LRRC51: variants seen among roughly 807,000 people sequenced by gnomAD.
LRRC51 encodes the protein leucine rich repeat containing 51.
A neutral mutation model predicts 17.8 loss-of-function variants in LRRC51; 8 were observed. That is an observed-to-expected ratio of 0.45 (90% CI 0.26 to 0.81). The LOEUF is 0.81. Ranked by LOEUF, LRRC51 falls within the 30% of genes least tolerant of loss-of-function variation. The probability of loss-of-function intolerance (pLI) is 0.17; values close to 1 mark genes in which losing one functional copy is unlikely to be tolerated. For missense variants in LRRC51, 233 were observed against 239.3 expected (o/e 0.97, Z 0.17); for synonymous variants, 92 against 96.0 (o/e 0.96, Z 0.24).
intron 1 of LRRC51, among the ~76,000 whole-genome samples, chr11:72,082,133 C>T (rs1479830357): frequency 6.6e-6 from 1 of 152,184 alleles, no homozygotes; most frequent in African/African-American, 2.4e-5. Context: ...ATTTACACTT[C>T]AGCTGGAATG....
chr11:72,090,923 A>G (rs1185745602), intron 3 of LRRC51, among the ~76,000 whole-genome samples: 8 of 152,232 alleles, frequency 5.3e-5, no homozygotes, highest in Non-Finnish European at 5.9e-5. Flanking sequence ...ACAGGAACAT[A>G]GTTTCCCAGA....
In LRRC51 at chr11:72,089,047, G is replaced by A; in HGVS notation, c.-37G>A. ...CTCCCAGGCTGAACCCAGACTCCCA[G>A]GGCACCTGCTTGCACCTTTGAATGA... is the stretch of plus-strand genomic sequence containing the variant. On this transcript the variant is annotated 5_prime_UTR_variant, in exon 3 of 6. Coordinates refer to ENST00000289488, the MANE Select transcript of LRRC51 (RefSeq NM_145309.6). The A allele has an allele frequency of 1.2e-6, 2 of 1,612,526 alleles. No homozygotes were observed. Among genetic ancestry groups the A allele is most frequent in the Non-Finnish European group, 8.5e-7 (1 of 1,179,824 alleles).
At chr11:72,087,287 C>CTTTTTTTTT (rs58257513) in intron 1 of LRRC51, among the ~76,000 whole-genome samples, 2 of 107,326 alleles carry the variant, frequency 1.9e-5, no homozygotes, top group African/African-American at 7.0e-5. Flanking sequence ...AACAGAAATT[C>CTTTTTTTTT]TTTTTTTTTT....
intron 1 of LRRC51, among the ~76,000 whole-genome samples, chr11:72,085,048 G>A (rs1018827849): frequency 1.4e-4 from 22 of 152,120 alleles, no homozygotes; most frequent in African/African-American, 5.1e-4. Flanking sequence ...AAACAAAACA[G>A]TTAAAGATAC....
At chr11:72,089,196 C>G (rs1239794004) in intron 3 of LRRC51, 31 bp downstream of exon 3, 2 of 1,614,102 alleles carry the variant, frequency 1.2e-6, no homozygotes, top group African/African-American at 2.7e-5. Flanking sequence ...ACTCCACTCA[C>G]TAAGGCAGCA....
rs1945172518 is a variant in LRRC51 at position 72,095,809 on chromosome 11, A to G, written c.*289A>G. On this transcript the variant is annotated 3_prime_UTR_variant, in exon 6 of 6. Transcript: ENST00000289488. ...TGCCTCAGCCTCCCCAGTAGCTGTG[A>G]TTAAAGGCGCCTGCCACCATGACTG... is the stretch of plus-strand genomic sequence containing the variant. 1.9e-6 allele frequency: 1 copy of G among 537,992 alleles called. No homozygotes were observed. Among genetic ancestry groups the G allele is most frequent in the Admixed American group, 3.6e-5 (1 of 27,890 alleles). 33.3% of individuals were successfully genotyped at this position (537,992 alleles called of 1,614,324 possible).
chr11:72,089,825 G>A (rs1042740228), intron 3 of LRRC51, among the ~76,000 whole-genome samples: 12 of 152,172 alleles, frequency 7.9e-5, no homozygotes, highest in Admixed American at 2.6e-4. Flanking sequence ...CTTTGTAAAT[G>A]GGTAGCTAGT....
At chr11:72,090,954 C>T (rs1468715080) in intron 3 of LRRC51, among the ~76,000 whole-genome samples, 1 of 152,188 alleles carries the variant, frequency 6.6e-6, no homozygotes, top group Non-Finnish European at 1.5e-5. Flanking sequence ...GCTAAATGCT[C>T]CCCAGTTCCC....
At chr11:72,081,144 C>A (rs1206913521) in intron 1 of LRRC51, among the ~76,000 whole-genome samples, 1 of 152,194 alleles carries the variant, frequency 6.6e-6, no homozygotes, top group Non-Finnish European at 1.5e-5. Flanking sequence ...CCCCCAGGGC[C>A]GGGAGCGGTG....
rs557836252 is a variant in LRRC51, at chr11:72,094,890, A to G, written c.289-58A>G. The G allele has an allele frequency of 1.9e-6, 3 of 1,614,128 alleles. No homozygotes were observed. The East Asian group carries it at 6.7e-5, about 36-fold the overall frequency. On this transcript the variant is annotated intron_variant, in intron 4 of 5. Transcript: ENST00000289488. ...CTTCTCTGCCCACGAGTCAGCCCTG[A>G]GCAGAGATTCAGGGTCCTGTCCTGT...
chr11:72,095,841 TTTG>T lies in LRRC51; in HGVS notation c.*339_*341del, dbSNP rs766599484. 7.2e-4 allele frequency: 290 copies of T among 402,656 alleles called. 1 individual carries two copies. Among genetic ancestry groups the T allele is most frequent in the Middle Eastern group, 1.8e-3 (5 of 2,710 alleles). The allele number at this position is 402,656 out of a possible 1,614,324, so 24.9% of individuals were successfully genotyped here. ...GCGCCTGCCACCATGACTGGCTAATTTTGTTGTTGTTGTTGTTGTTTTGAGACG... is the reference window on the plus strand; with the variant it reads ...GCGCCTGCCACCATGACTGGCTAATTTTGTTGTTGTTGTTGTTTTGAGACG... On this transcript the variant is annotated 3_prime_UTR_variant, in exon 6 of 6. Coordinates refer to ENST00000289488, the MANE Select transcript of LRRC51 (RefSeq NM_145309.6).
intron 1 of LRRC51, among the ~76,000 whole-genome samples, chr11:72,082,990 C>CA (rs921486980): frequency 4.6e-5 from 7 of 152,262 alleles, no homozygotes; most frequent in African/African-American, 1.7e-4. Context: ...CTCAGCCTCC[C>CA]AGGTAACTGG....
intron 3 of LRRC51, 140 bp from the exon 4 acceptor site, chr11:72,093,356 C>T (rs1944974577): frequency 1.3e-6 from 1 of 793,702 alleles, no homozygotes; most frequent in East Asian, 2.7e-5. Context: ...CAGGGTTGCA[C>T]TAGACTCAGG....
chr11:72,084,929 T>G (rs949706945), intron 1 of LRRC51, among the ~76,000 whole-genome samples: 1 of 148,480 alleles, frequency 6.7e-6, no homozygotes, highest in Admixed American at 6.7e-5. Context: ...CTATACATTC[T>G]AGGTTATATT....
At chr11:72,094,748 A>G in intron 4 of LRRC51, 200 bp from the exon 5 acceptor site, 1 of 1,027,378 alleles carries the variant, frequency 9.7e-7, no homozygotes, top group Non-Finnish European at 1.5e-6. Flanking sequence ...CTCAGATCAC[A>G]GCTCCTTTTC....
chr11:72,086,509 T>C (rs1025179671), intron 1 of LRRC51: 1 of 700,182 alleles, frequency 1.4e-6, no homozygotes, highest in Non-Finnish European at 2.6e-6. Context: ...ATCCTCAGAA[T>C]TGGCAGTTTC....
At chr11:72,085,232 G>C (rs1944466472) in intron 1 of LRRC51, among the ~76,000 whole-genome samples, 1 of 152,172 alleles carries the variant, frequency 6.6e-6, no homozygotes, top group Non-Finnish European at 1.5e-5. Flanking sequence ...ACAGCCACAG[G>C]AGTAAGCATG....
At chr11:72,089,251 C>G in intron 3 of LRRC51, 86 bp downstream of exon 3, 1 of 1,596,722 alleles carries the variant, frequency 6.3e-7, no homozygotes, top group South Asian at 1.1e-5. Flanking sequence ...TACTTAAAAG[C>G]CTAAAGAGAT....
In LRRC51 at chr11:72,093,692, C is replaced by A; in HGVS notation, c.279C>A (p.Ser93=). Residue 93 remains serine, a synonymous_variant, in exon 4 of 6, where the codon TCC becomes TCA. Transcript: ENST00000289488. ...WIDLSFNDLT[S]IDPVLTTFFN... is the part of the protein sequence containing the mutation. The stretch of plus-strand genomic sequence containing the variant: ...ACCTGTCCTTTAATGACCTGACTTC[C>A]ATTGACCCTGTGAGTTCCTAACAGT... 1 of 1,614,212 alleles carries A rather than the reference C, an allele frequency of 6.2e-7. No homozygotes were observed. Among genetic ancestry groups the A allele is most frequent in the Non-Finnish European group, 8.5e-7 (1 of 1,180,042 alleles).
Sources: gnomAD v4.1 joint callset for allele counts (sites outside exome capture counted in the v4.1 genomes callset) on GRCh38, gnomAD v4.1.1 for gene constraint, MANE v1.5 for transcripts, NCBI Gene and HGNC (gene_info 2026-07-23, HGNC 2026-07-21) for gene names.